ZNF804A: variants seen among roughly 807,000 people sequenced by gnomAD.
ZNF804A encodes the protein zinc finger protein 804A.
ZNF804A carries 2 observed loss-of-function variants against 16.5 expected under a neutral mutation model. That is an observed-to-expected ratio of 0.12 (90% CI 0.05 to 0.38). ZNF804A has a LOEUF of 0.38. Among genes scored for constraint, ZNF804A ranks in the 10% least tolerant of loss-of-function variants. The pLI is 0.99. For synonymous variants in ZNF804A, 534 were observed against 489.6 expected (o/e 1.09, Z -1.20); for missense variants, 1,473 against 1,390.7 (o/e 1.06, Z -0.94).
chr2:184,681,046 C>T (rs1692530322), intron 1 of ZNF804A, among the ~76,000 whole-genome samples: 1 of 152,240 alleles, frequency 6.6e-6, no homozygotes, highest in African/African-American at 2.4e-5. Flanking sequence ...TGGCTGGACC[C>T]CACGCTCACT....
At chr2:184,734,207 A>G (rs1693572978) in intron 1 of ZNF804A, among the ~76,000 whole-genome samples, 1 of 152,122 alleles carries the variant, frequency 6.6e-6, no homozygotes, top group Non-Finnish European at 1.5e-5. Flanking sequence ...AACTAGGACT[A>G]CAGGCATATT....
intron 1 of ZNF804A, among the ~76,000 whole-genome samples, chr2:184,659,866 T>C (rs921657371): frequency 6.6e-6 from 1 of 152,214 alleles, no homozygotes; most frequent in Non-Finnish European, 1.5e-5. Context: ...AAGTATACGA[T>C]AGTCAGATGA....
chr2:184,622,590 T>C (rs1046200048), intron 1 of ZNF804A, among the ~76,000 whole-genome samples: 3 of 151,886 alleles, frequency 2.0e-5, no homozygotes, highest in African/African-American at 7.2e-5. Context: ...ATATACACTT[T>C]GGAGTGTATG....
At chr2:184,706,450 A>G (rs139095416) in intron 1 of ZNF804A, among the ~76,000 whole-genome samples, 1 of 152,324 alleles carries the variant, frequency 6.6e-6, no homozygotes, top group African/African-American at 2.4e-5. Flanking sequence ...AAGCCATTTC[A>G]TCATGTAACT....
intron 2 of ZNF804A, among the ~76,000 whole-genome samples, chr2:184,919,400 C>G (rs573527494): frequency 1.3e-4 from 20 of 152,160 alleles, no homozygotes; most frequent in Non-Finnish European, 2.5e-4. Context: ...GAGTGGAAGT[C>G]CACATTGCTG....
chr2:184,763,933 C>T (rs975759090), intron 1 of ZNF804A, among the ~76,000 whole-genome samples: 2 of 151,942 alleles, frequency 1.3e-5, no homozygotes, highest in Non-Finnish European at 2.9e-5. Context: ...TGAGCCACTG[C>T]GCTGGCCCAA....
At chr2:184,778,657 A>G (rs1197074444) in intron 1 of ZNF804A, among the ~76,000 whole-genome samples, 1 of 151,746 alleles carries the variant, frequency 6.6e-6, no homozygotes, top group Non-Finnish European at 1.5e-5. Flanking sequence ...ATTTTAAGGT[A>G]TAACCCTTTT....
intron 1 of ZNF804A, among the ~76,000 whole-genome samples, chr2:184,708,992 C>G (rs1574173509): frequency 6.6e-6 from 1 of 152,124 alleles, no homozygotes; most frequent in Non-Finnish European, 1.5e-5. Context: ...TCATTCAGCT[C>G]TCTCCAGTCA....
chr2:184,886,016 A>G (rs1437215127), intron 2 of ZNF804A, among the ~76,000 whole-genome samples: 1 of 152,200 alleles, frequency 6.6e-6, no homozygotes, highest in Non-Finnish European at 1.5e-5. Flanking sequence ...GAATTATGCC[A>G]GAAGTCCACA....
intron 1 of ZNF804A, among the ~76,000 whole-genome samples, chr2:184,750,861 AC>A (rs1422067086): frequency 2.0e-5 from 3 of 151,220 alleles, no homozygotes; most frequent in Non-Finnish European, 4.4e-5. Flanking sequence ...CCTGGAAACC[AC>A]CATTCCACAC....
At chr2:184,789,742 A>C (rs1694504888) in intron 1 of ZNF804A, among the ~76,000 whole-genome samples, 1 of 151,968 alleles carries the variant, frequency 6.6e-6, no homozygotes, top group African/African-American at 2.4e-5. Context: ...TGTAGCTAGT[A>C]GTCTGTGATT....
At chr2:184,825,166 C>G (rs984446920) in intron 1 of ZNF804A, among the ~76,000 whole-genome samples, 1 of 152,080 alleles carries the variant, frequency 6.6e-6, no homozygotes, top group Non-Finnish European at 1.5e-5. Context: ...CATTTTTTCA[C>G]TTCTAGCAAT....
chr2:184,733,916 T>C (rs1693565153), intron 1 of ZNF804A, among the ~76,000 whole-genome samples: 1 of 152,102 alleles, frequency 6.6e-6, no homozygotes, highest in Admixed American at 6.6e-5. Flanking sequence ...TTTTTCTCAG[T>C]TAGCTTGTCT....
intron 1 of ZNF804A, among the ~76,000 whole-genome samples, chr2:184,760,960 C>G (rs1467725227): frequency 1.3e-5 from 2 of 152,070 alleles, no homozygotes; most frequent in Non-Finnish European, 2.9e-5. Context: ...TAACTGTTAG[C>G]TACAATTTAA....
chr2:184,671,974 A>G (rs1388989224), intron 1 of ZNF804A, among the ~76,000 whole-genome samples: 1 of 152,240 alleles, frequency 6.6e-6, no homozygotes, highest in South Asian at 2.1e-4. Flanking sequence ...TTAAAATGTT[A>G]TATGGACTGA....
chr2:184,868,512 A>G (rs1574249030), intron 2 of ZNF804A, among the ~76,000 whole-genome samples: 1 of 152,176 alleles, frequency 6.6e-6, no homozygotes, highest in Admixed American at 6.5e-5. Flanking sequence ...TTAAAAAGAA[A>G]AAAATGCCTA....
intron 1 of ZNF804A, among the ~76,000 whole-genome samples, chr2:184,679,578 C>T (rs1002860049): frequency 3.9e-5 from 6 of 152,312 alleles, no homozygotes; most frequent in Admixed American, 2.6e-4. Flanking sequence ...CCTGCTCTCG[C>T]TATCTGTCCT....
chr2:184,713,722 A>G (rs1435133229), intron 1 of ZNF804A, among the ~76,000 whole-genome samples: 1 of 151,990 alleles, frequency 6.6e-6, no homozygotes, highest in African/African-American at 2.4e-5. Flanking sequence ...TTAACAACGC[A>G]TTTGTTTCTA....
At chr2:184,935,190 A>G (rs1452560776) in intron 3 of ZNF804A, among the ~76,000 whole-genome samples, 2 of 152,106 alleles carry the variant, frequency 1.3e-5, no homozygotes, top group Non-Finnish European at 2.9e-5. Context: ...GTATAACTTC[A>G]GGATAATTTT....
Sources: allele counts gnomAD v4.1 joint callset (sites outside exome capture counted in the v4.1 genomes callset), GRCh38; gene constraint gnomAD v4.1.1; transcripts MANE v1.5; gene names NCBI Gene and HGNC (gene_info 2026-07-23, HGNC 2026-07-21).